The following IRAK2 variants were observed in gnomAD, a reference collection of about 807,000 sequenced individuals.
IRAK2 encodes interleukin-1 receptor-associated kinase-like 2.
In IRAK2, 57 loss-of-function variants were observed where a neutral mutation model predicts 72.0. That is an observed-to-expected ratio of 0.79 (90% CI 0.64 to 0.99). The LOEUF (loss-of-function observed/expected upper bound fraction) is 0.99. Ranked by LOEUF, IRAK2 falls within the 50% of genes least tolerant of loss-of-function variation. The pLI, the probability that IRAK2 is intolerant of heterozygous loss-of-function variation, is 0.00. For synonymous variants in IRAK2, 293 were observed against 312.7 expected (o/e 0.94, Z 0.67); for missense variants, 790 against 794.4 (o/e 0.99, Z 0.07).
chr3:10,215,500 C>T (rs1405183618), intron 6 of IRAK2, among the ~76,000 whole-genome samples: 1 of 151,070 alleles, frequency 6.6e-6, no homozygotes, highest in African/African-American at 2.4e-5. Flanking sequence ...TTCACAGCAC[C>T]TATAAATAAG....
rs74919726 is a variant in IRAK2 at position 10,197,911 on chromosome 3, C to G, written c.278-2458C>G. Among the ~76,000 whole-genome samples the G allele has an allele frequency of 3.5e-3, 505 of 145,952 alleles. 11 individuals are homozygous for G. In the South Asian group the frequency reaches 0.046, roughly 13 times the overall value. ...CAGTAAAGAAAACACAAGGAAGAAGCCACTCAGGCCGGGCGCAGTGGCTCA... is the reference window on the plus strand; with the variant it reads ...CAGTAAAGAAAACACAAGGAAGAAGGCACTCAGGCCGGGCGCAGTGGCTCA... On this transcript the variant is annotated intron_variant, in intron 2 of 12. Coordinates refer to ENST00000256458, the MANE Select transcript of IRAK2 (RefSeq NM_001570.4).
rs746357968 is a variant in IRAK2, at chr3:10,213,383, C to A, written c.705C>A (p.Val235=). The A allele has an allele frequency of 1.8e-5, 29 of 1,613,896 alleles. No homozygotes were observed. The highest frequency in any genetic ancestry group is 2.4e-5 in the Non-Finnish European group (28 of 1,180,012). The change falls in exon 5 of 13, where the codon GTC becomes GTA. Residue 235 remains valine, a synonymous_variant. Coordinates refer to ENST00000256458, the MANE Select transcript of IRAK2 (RefSeq NM_001570.4). The stretch of plus-strand genomic sequence containing the variant: ...GGCACAGGCACGGGAAGCCATTCGT[C>A]TTCAAGAAGCTCAGAGAGGTGAGCA... ...YRGHRHGKPF[V]FKKLRETACS...
intron 10 of IRAK2, among the ~76,000 whole-genome samples, chr3:10,227,902 C>G (rs1037039757): frequency 6.6e-6 from 1 of 151,998 alleles, no homozygotes; most frequent in Admixed American, 6.6e-5. Context: ...ATCTCCTGAC[C>G]TCGTGATCCG....
chr3:10,226,434 G>A lies in IRAK2; in HGVS notation c.1272+1G>A, dbSNP rs1158568224. 6.2e-7 allele frequency: 1 copy of A among 1,612,620 alleles called. No individual in the cohort carries two copies. Among genetic ancestry groups the A allele is most frequent in the East Asian group, 2.2e-5 (1 of 44,870 alleles). On this transcript the variant is annotated splice_donor_variant, in intron 10 of 12. Transcript: ENST00000256458. LOFTEE classifies it high-confidence loss of function. The stretch of plus-strand genomic sequence containing the variant: ...TAACAACCGAAGCCCGGTTTACCTG[G>A]TAAGGGAACTTGTCACATCTGGCTG...
chr3:10,178,191 C>T (rs187776766), intron 2 of IRAK2, among the ~76,000 whole-genome samples, 171 bp downstream of exon 2: 167 of 152,314 alleles, frequency 1.1e-3, no homozygotes, highest in Non-Finnish European at 1.3e-3. Flanking sequence ...GGTGCGGTGG[C>T]TCACGCCTGT....
intron 6 of IRAK2, among the ~76,000 whole-genome samples, chr3:10,216,312 T>C (rs1273115392): frequency 6.6e-6 from 1 of 152,178 alleles, no homozygotes; most frequent in Non-Finnish European, 1.5e-5. Context: ...TAGGATGATG[T>C]TGACCTGAGC....
chr3:10,201,197 T>C (rs910161223), intron 3 of IRAK2, among the ~76,000 whole-genome samples: 3 of 152,202 alleles, frequency 2.0e-5, no homozygotes, highest in African/African-American at 7.2e-5. Flanking sequence ...TAACTATGAA[T>C]TAGGTATTGT....
intron 9 of IRAK2, among the ~76,000 whole-genome samples, 160 bp downstream of exon 9, chr3:10,222,991 C>T (rs114133750): frequency 0.01 from 1,563 of 152,146 alleles, 22 homozygotes; most frequent in African/African-American, 0.036. Context: ...TGGCCTGTGG[C>T]GTATTTTGTA....
intron 4 of IRAK2, among the ~76,000 whole-genome samples, chr3:10,210,308 G>A (rs1284787744): frequency 6.6e-6 from 1 of 152,086 alleles, no homozygotes; most frequent in African/African-American, 2.4e-5. Context: ...TTCAGCCCAG[G>A]AGGCAGAAGT....
rs770606601 is a variant in IRAK2 at position 10,185,558 on chromosome 3, C to CAAA, written c.277+7557_277+7559dup. 7.4e-3 allele frequency among the ~76,000 whole-genome samples: 517 copies of CAAA among 69,920 alleles called. 12 individuals are homozygous for CAAA. The highest frequency in any genetic ancestry group is 0.028 in the African/African-American group (457 of 16,138). The allele number at this position is 69,920 out of a possible 152,430, so 45.9% of individuals were successfully genotyped here. A position where few individuals can be genotyped will look rare whatever the true frequency, so the allele number is the denominator to read the frequency against. On this transcript the variant is annotated intron_variant, in intron 2 of 12. Transcript: ENST00000256458. ...GGGCAACAAGAGTGAAACTCCGTCT[C>CAAA]AAAAAAAAAAAAAAAAAAAAAGAAC... is the stretch of plus-strand genomic sequence containing the variant.
At chr3:10,191,440 G>A (rs1575964270) in intron 2 of IRAK2, among the ~76,000 whole-genome samples, 1 of 152,166 alleles carries the variant, frequency 6.6e-6, no homozygotes, top group Non-Finnish European at 1.5e-5. Flanking sequence ...CTTACAGTAA[G>A]GTTCTGCCTA....
At chr3:10,165,167 G>A in intron 1 of IRAK2, 119 bp downstream of exon 1, 2 of 832,548 alleles carry the variant, frequency 2.4e-6, no homozygotes, top group Non-Finnish European at 3.8e-6. Context: ...ATCCGAGGGC[G>A]TGCGAGCTGA....
In IRAK2 at chr3:10,178,185, C is replaced by T. The variant is rs185173407; in HGVS notation, c.277+165C>T. Among the ~76,000 whole-genome samples, 28 of 152,244 alleles carry T rather than the reference C, an allele frequency of 1.8e-4. No homozygotes were observed. In the East Asian group the frequency reaches 4.5e-3, roughly 24 times the overall value. On this transcript the variant is annotated intron_variant, in intron 2 of 12. Coordinates refer to ENST00000256458, the MANE Select transcript of IRAK2 (RefSeq NM_001570.4). ...TAAGAAACTGGTAACAGGCCAGGTG[C>T]GGTGGCTCACGCCTGTAATCCCAGC... is the stretch of plus-strand genomic sequence containing the variant.
chr3:10,212,285 T>G (rs1697532986), intron 4 of IRAK2, among the ~76,000 whole-genome samples: 1 of 152,138 alleles, frequency 6.6e-6, no homozygotes, highest in South Asian at 2.1e-4. Context: ...TCTTAAAACA[T>G]TATGAGTTTT....
rs1197223623 is a variant in IRAK2 at position 10,213,231 on chromosome 3, C to T, written c.553C>T (p.Gln185Ter). 1 of 1,614,100 alleles carries T rather than the reference C, an allele frequency of 6.2e-7. No individual in the cohort carries two copies. Among genetic ancestry groups the T allele is most frequent in the South Asian group, 1.1e-5 (1 of 91,086 alleles). The change falls in exon 5 of 13, where the codon CAG (glutamine) becomes TAG (stop). Residue 185 changes from glutamine (Q) to a stop codon, truncating the protein, a stop_gained. Transcript: ENST00000256458. LOFTEE classifies it high-confidence loss of function. ...GGACTTCAGCACCTCCATTCCTAAG[C>T]AGGAAAAACTTTTGAGCTTGGCTGG... ...SKDFSTSIPK[Q>*]EKLLSLAGDS...
At chr3:10,173,082 C>T (rs1185465912) in intron 1 of IRAK2, among the ~76,000 whole-genome samples, 2 of 152,040 alleles carry the variant, frequency 1.3e-5, no homozygotes, top group African/African-American at 4.8e-5. Flanking sequence ...CTGAGTGCTT[C>T]TGTACATAGA....
At chr3:10,225,701 GTT>G (rs34166203) in intron 9 of IRAK2, among the ~76,000 whole-genome samples, 22 of 141,186 alleles carry the variant, frequency 1.6e-4, no homozygotes, top group African/African-American at 3.6e-4. Flanking sequence ...GTTTTTTGGT[GTT>G]TTTTTTTTTT....
rs1264585963 is a variant in IRAK2, at chr3:10,242,943, A to T, written c.*715A>T. Reference sequence around the variant, plus strand: ...GTATTGGAAATCTTGCAATTCACATAATTATTCAGTCACTGCCTGGTACCT... The same window carrying T: ...GTATTGGAAATCTTGCAATTCACATTATTATTCAGTCACTGCCTGGTACCT... On this transcript the variant is annotated 3_prime_UTR_variant, in exon 13 of 13. Coordinates refer to ENST00000256458, the MANE Select transcript of IRAK2 (RefSeq NM_001570.4). 1 of 152,138 alleles carries T rather than the reference A, an allele frequency of 6.6e-6. No individual in the cohort carries two copies. Among genetic ancestry groups the T allele is most frequent in the African/African-American group, 2.4e-5 (1 of 41,418 alleles). 9.4% of individuals were successfully genotyped at this position (152,138 alleles called of 1,614,324 possible).
chr3:10,233,304 G>C (rs1190736826), intron 10 of IRAK2, among the ~76,000 whole-genome samples: 1 of 151,994 alleles, frequency 6.6e-6, no homozygotes, highest in African/African-American at 2.4e-5. Context: ...TGCCAGTCTC[G>C]GCCTCGCAAA....
Sources: gnomAD v4.1 joint callset for allele counts (sites outside exome capture counted in the v4.1 genomes callset) on GRCh38, gnomAD v4.1.1 for gene constraint, MANE v1.5 for transcripts, NCBI Gene and HGNC (gene_info 2026-07-23, HGNC 2026-07-21) for gene names.